STAU2: variants seen among roughly 807,000 people sequenced by gnomAD.
STAU2 encodes double-stranded RNA-binding protein Staufen homolog 2.
A neutral mutation model predicts 65.9 loss-of-function variants in STAU2; 20 were observed. That is an observed-to-expected ratio of 0.30 (90% CI 0.21 to 0.44). STAU2 has a LOEUF of 0.44. Among genes scored for constraint, STAU2 ranks in the 20% least tolerant of loss-of-function variants. STAU2 has a pLI of 1.00. For missense variants in STAU2, 558 were observed against 683.9 expected (o/e 0.82, Z 2.05); for synonymous variants, 232 against 233.9 (o/e 0.99, Z 0.07).
chr8:73,624,021 T>C (rs1399149335), intron 6 of STAU2, among the ~76,000 whole-genome samples: 4 of 152,078 alleles, frequency 2.6e-5, no homozygotes, highest in African/African-American at 7.2e-5. Flanking sequence ...CTAGAGGAAA[T>C]ATAGAAAGAT....
chr8:73,499,874 A>G (rs1821639515), intron 13 of STAU2, among the ~76,000 whole-genome samples: 1 of 151,868 alleles, frequency 6.6e-6, no homozygotes. Context: ...CCACGGGAGT[A>G]TGGAATAACT....
At chr8:73,550,177 T>TC (rs1488670443) in intron 13 of STAU2, 2 of 985,254 alleles carry the variant, frequency 2.0e-6, no homozygotes, top group African/African-American at 3.5e-5. Context: ...CTGTTTATAT[T>TC]CATTAGTATG....
At chr8:73,640,897 C>T (rs954370256) in intron 6 of STAU2, among the ~76,000 whole-genome samples, 2 of 151,736 alleles carry the variant, frequency 1.3e-5, no homozygotes, top group East Asian at 1.9e-4. Context: ...AAAATAATGA[C>T]GGAATCAAAG....
intron 6 of STAU2, among the ~76,000 whole-genome samples, chr8:73,648,733 G>A (rs1815582231): frequency 6.6e-6 from 1 of 152,100 alleles, no homozygotes; most frequent in African/African-American, 2.4e-5. Context: ...ACTGTAAATG[G>A]TTATCCTCTG....
chr8:73,539,936 T>A (rs1218635522), intron 13 of STAU2, among the ~76,000 whole-genome samples: 1 of 147,494 alleles, frequency 6.8e-6, no homozygotes. Context: ...ATATCTAAAA[T>A]GCATGTAAAT....
At chr8:73,647,581 CTTTT>C (rs1312989276) in intron 6 of STAU2, among the ~76,000 whole-genome samples, 2 of 139,070 alleles carry the variant, frequency 1.4e-5, no homozygotes, top group Non-Finnish European at 3.2e-5. Flanking sequence ...AATTCTGCAT[CTTTT>C]TTTTTTTTTT....
chr8:73,600,942 G>A (rs1396249482), intron 10 of STAU2, among the ~76,000 whole-genome samples: 1 of 152,124 alleles, frequency 6.6e-6, no homozygotes, highest in Non-Finnish European at 1.5e-5. Flanking sequence ...TTCATTCCCT[G>A]CTAATAAACA....
intron 13 of STAU2, among the ~76,000 whole-genome samples, chr8:73,494,886 C>A (rs1005721101): frequency 6.6e-6 from 1 of 151,568 alleles, no homozygotes; most frequent in South Asian, 2.1e-4. Context: ...TACTGATTTA[C>A]ATGCATGTGG....
chr8:73,703,391 G>C (rs992345310), intron 4 of STAU2, among the ~76,000 whole-genome samples: 2 of 152,124 alleles, frequency 1.3e-5, no homozygotes, highest in Non-Finnish European at 2.9e-5. Context: ...GCTTCCTGTA[G>C]AGCCTGCAGA....
intron 3 of STAU2, among the ~76,000 whole-genome samples, chr8:73,734,232 TG>T (rs1351912041): frequency 1.6e-4 from 16 of 102,106 alleles, no homozygotes; most frequent in African/African-American, 3.9e-4. Context: ...TTTCAGGGTT[TG>T]TTTTTTTTTT....
intron 13 of STAU2, among the ~76,000 whole-genome samples, chr8:73,505,904 A>T (rs1822036216): frequency 6.6e-6 from 1 of 152,018 alleles, no homozygotes; most frequent in Non-Finnish European, 1.5e-5. Flanking sequence ...CTCACTCATC[A>T]CATGAGATCT....
chr8:73,719,405 A>G (rs891368728), intron 3 of STAU2, among the ~76,000 whole-genome samples: 6 of 152,166 alleles, frequency 3.9e-5, no homozygotes, highest in African/African-American at 1.4e-4. Context: ...CTCAAAAAAA[A>G]AGGTGTCCAG....
intron 3 of STAU2, among the ~76,000 whole-genome samples, chr8:73,723,108 CCACA>C (rs370518442): frequency 2.5e-4 from 37 of 148,976 alleles, no homozygotes; most frequent in African/African-American, 3.7e-4. Context: ...GCCCACACAC[CCACA>C]CACACACACA....
intron 6 of STAU2, among the ~76,000 whole-genome samples, chr8:73,649,074 G>A (rs1415170946): frequency 6.6e-6 from 1 of 152,156 alleles, no homozygotes; most frequent in African/African-American, 2.4e-5. Context: ...CCAAAGTGCT[G>A]GGCCACCAGG....
At chr8:73,482,343 T>TA (rs143815804) in intron 13 of STAU2, among the ~76,000 whole-genome samples, 79,905 of 151,274 alleles carry the variant, frequency 0.53, 22,919 homozygotes, top group East Asian at 0.88. Context: ...TTTATGATCT[T>TA]AAAAAAAAAC....
chr8:73,479,472 GCACACACACACA>G (rs5892420), intron 13 of STAU2, among the ~76,000 whole-genome samples: 17 of 139,842 alleles, frequency 1.2e-4, no homozygotes, highest in Non-Finnish European at 2.3e-4. Context: ...TCCCTATTCT[GCACACACACACA>G]CACACACACA....
intron 13 of STAU2, among the ~76,000 whole-genome samples, chr8:73,428,383 G>A (rs1816989760): frequency 8.3e-6 from 1 of 120,852 alleles, no homozygotes; most frequent in Admixed American, 9.5e-5. Flanking sequence ...GGACATTTAG[G>A]TTGATCCCAC....
intron 5 of STAU2, among the ~76,000 whole-genome samples, chr8:73,679,898 AC>A (rs201140998): frequency 9.3e-5 from 14 of 150,004 alleles, no homozygotes; most frequent in South Asian, 2.1e-4. Context: ...AAAAAAAAAA[AC>A]AAAACAAAAA....
intron 1 of STAU2, 138 bp downstream of exon 1, chr8:73,746,645 A>C: frequency 2.3e-5 from 8 of 352,638 alleles, no homozygotes; most frequent in Middle Eastern, 6.8e-4. Flanking sequence ...GGCGCGGGGG[A>C]GGGGAGGCCG....
Sources: allele counts gnomAD v4.1 joint callset (sites outside exome capture counted in the v4.1 genomes callset), GRCh38; gene constraint gnomAD v4.1.1; transcripts MANE v1.5; gene names NCBI Gene and HGNC (gene_info 2026-07-23, HGNC 2026-07-21).